The following CEP85L variants were observed in gnomAD, a reference collection of about 807,000 sequenced individuals.
CEP85L encodes the protein centrosomal protein of 85 kDa-like.
Under a neutral mutation model 100.3 loss-of-function variants are expected in CEP85L, and 60 were observed. That is an observed-to-expected ratio of 0.60 (90% CI 0.49 to 0.74). The LOEUF is 0.74. Ranked by LOEUF, CEP85L falls within the 30% of genes least tolerant of loss-of-function variation. CEP85L has a pLI of 0.00. For synonymous variants in CEP85L, 319 were observed against 322.7 expected (o/e 0.99, Z 0.12); for missense variants, 973 against 936.2 (o/e 1.04, Z -0.51).
Position 118,668,274 on chromosome 6 carries a change from G to A in CEP85L, c.-27-15466C>T, listed in dbSNP as rs545951288. On this transcript the variant is annotated intron_variant, in intron 1 of 13. Coordinates refer to the CEP85L transcript ENST00000368488. ...CATAAATGATGAAAGGCAAAGTTTA[G>A]ATATCAACCTATGAGCCATGGACAC... 3.3e-5 allele frequency among the ~76,000 whole-genome samples: 5 copies of A among 152,264 alleles called. No homozygotes were observed. In the South Asian group the frequency reaches 8.3e-4, roughly 25 times the overall value.
chr6:118,514,524 CAAAAAA>C (rs561316113), intron 4 of CEP85L, among the ~76,000 whole-genome samples: 2 of 87,574 alleles, frequency 2.3e-5, no homozygotes, highest in Non-Finnish European at 4.4e-5. Flanking sequence ...GACACTGTCT[CAAAAAA>C]AAAAAAAAAA....
chr6:118,636,585 A>C (rs1049415617), intron 1 of CEP85L, among the ~76,000 whole-genome samples: 5 of 152,222 alleles, frequency 3.3e-5, no homozygotes, highest in African/African-American at 9.6e-5. Flanking sequence ...CTCAACATTC[A>C]GATTGGTCGA....
chr6:118,623,570 G>A (rs768980727), intron 2 of CEP85L, among the ~76,000 whole-genome samples: 5 of 152,096 alleles, frequency 3.3e-5, no homozygotes, highest in Admixed American at 6.5e-5. Context: ...AGTCGAAAAG[G>A]CAAATGAAAC....
chr6:118,600,064 T>C (rs1301712216), intron 2 of CEP85L, among the ~76,000 whole-genome samples: 1 of 147,994 alleles, frequency 6.8e-6, no homozygotes, highest in Non-Finnish European at 1.5e-5. Context: ...CATATAGGAG[T>C]CCACATTGAT....
intron 5 of CEP85L, among the ~76,000 whole-genome samples, chr6:118,503,385 A>G (rs1319401014): frequency 1.1e-4 from 17 of 152,192 alleles, no homozygotes; most frequent in African/African-American, 4.1e-4. Context: ...CTATAGATTC[A>G]ACACAATCCC....
rs564155031 is a variant in CEP85L, at chr6:118,557,344, A to G, written c.1020+8185T>C. On this transcript the variant is annotated intron_variant, in intron 3 of 12. Transcript: ENST00000368491. ...TTACATCTACAGAGTAACAGATTTA[A>G]AGAAACTATATGTTAGAACTTTTAC... Among the ~76,000 whole-genome samples the G allele has an allele frequency of 8.4e-4, 128 of 152,314 alleles. 1 individual carries two copies. Among genetic ancestry groups the G allele is most frequent in the African/African-American group, 2.8e-3 (116 of 41,580 alleles).
intron 2 of CEP85L, among the ~76,000 whole-genome samples, chr6:118,575,960 G>A (rs1780203399): frequency 6.6e-6 from 1 of 152,062 alleles, no homozygotes; most frequent in African/African-American, 2.4e-5. Flanking sequence ...CTTACCCACT[G>A]GGTAGAAGCT....
At chr6:118,501,858 C>T (rs1201158364) in intron 5 of CEP85L, 3 of 1,298,578 alleles carry the variant, frequency 2.3e-6, no homozygotes, top group Non-Finnish European at 3.3e-6. Flanking sequence ...GAAGCACAAG[C>T]CTTCAAGAGT....
chr6:118,650,583 G>T (rs1775484552), intron 1 of CEP85L, among the ~76,000 whole-genome samples: 1 of 152,222 alleles, frequency 6.6e-6, no homozygotes, highest in African/African-American at 2.4e-5. Flanking sequence ...CGCCGCAGGG[G>T]CTGCGGGGCG....
chr6:118,478,062 G>A (rs898241334), intron 10 of CEP85L, among the ~76,000 whole-genome samples: 1 of 152,060 alleles, frequency 6.6e-6, no homozygotes, highest in Non-Finnish European at 1.5e-5. Flanking sequence ...AAAGTGAAGG[G>A]AATTGCTGTA....
chr6:118,670,616 T>A (rs1776275472), intron 1 of CEP85L, among the ~76,000 whole-genome samples: 1 of 151,918 alleles, frequency 6.6e-6, no homozygotes, highest in Admixed American at 6.6e-5. Context: ...ATCTCCTGGC[T>A]AGCCACTGGT....
chr6:118,516,203 C>T (rs764974408), intron 4 of CEP85L, among the ~76,000 whole-genome samples: 2 of 152,084 alleles, frequency 1.3e-5, no homozygotes, highest in Non-Finnish European at 2.9e-5. Flanking sequence ...AATAGTGCTG[C>T]GATAAACATA....
intron 2 of CEP85L, among the ~76,000 whole-genome samples, chr6:118,623,333 T>C (rs1346998273): frequency 1.3e-5 from 2 of 152,244 alleles, no homozygotes; most frequent in Non-Finnish European, 2.9e-5. Flanking sequence ...TTGGTCTATG[T>C]TGATACCTTT....
intron 1 of CEP85L, among the ~76,000 whole-genome samples, chr6:118,699,312 G>A (rs746442132): frequency 6.6e-6 from 1 of 151,744 alleles, no homozygotes; most frequent in African/African-American, 2.4e-5. Context: ...GCAATTAGCC[G>A]AGCATGGTGG....
chr6:118,513,086 C>G (rs945665229), intron 4 of CEP85L, among the ~76,000 whole-genome samples: 1 of 151,918 alleles, frequency 6.6e-6, no homozygotes, highest in African/African-American at 2.4e-5. Context: ...GACATTACAG[C>G]ACAAAAGTAC....
rs561549384 is a variant in CEP85L at position 118,667,177 on chromosome 6, C to T, written c.-27-14369G>A. 1.8e-4 allele frequency among the ~76,000 whole-genome samples: 28 copies of T among 152,252 alleles called. 2 individuals carry two copies. In the South Asian group the frequency reaches 5.0e-3, roughly 27 times the overall value. On this transcript the variant is annotated intron_variant, in intron 1 of 13. Coordinates refer to the CEP85L transcript ENST00000368488. ...GATTAGTGTTTCTTCCTATACTATA[C>T]GGGATGGTGCTGAGATTCTAGATTT...
intron 1 of CEP85L, among the ~76,000 whole-genome samples, chr6:118,702,722 C>T (rs1401030283): frequency 2.0e-5 from 3 of 152,182 alleles, no homozygotes; most frequent in African/African-American, 7.2e-5. Flanking sequence ...GTTGGCCAGG[C>T]ACGGCGGCTC....
At chr6:118,489,322 G>A (rs2114591737) in intron 6 of CEP85L, among the ~76,000 whole-genome samples, 1 of 145,690 alleles carries the variant, frequency 6.9e-6, no homozygotes, top group Non-Finnish European at 1.5e-5. Flanking sequence ...ACAAACAAAA[G>A]CTGTGATATT....
intron 6 of CEP85L, among the ~76,000 whole-genome samples, chr6:118,487,598 C>T (rs377635981): frequency 1.3e-5 from 2 of 152,226 alleles, no homozygotes; most frequent in Non-Finnish European, 2.9e-5. Context: ...ACCCCCAATA[C>T]AGCATATGAT....
Sources: allele counts gnomAD v4.1 joint callset (sites outside exome capture counted in the v4.1 genomes callset), GRCh38; gene constraint gnomAD v4.1.1; transcripts MANE v1.5; gene names NCBI Gene and HGNC (gene_info 2026-07-23, HGNC 2026-07-21).